The following CSMD3 variants were observed in gnomAD, a reference collection of about 807,000 sequenced individuals.
The protein encoded by CSMD3 is CUB and sushi domain-containing protein 3.
A neutral mutation model predicts 435.2 loss-of-function variants in CSMD3; 177 were observed. The ratio of observed to expected loss-of-function variants is 0.41; its 90% CI spans 0.36 to 0.46. The LOEUF is 0.46. CSMD3 is among the 20% of genes least tolerant of loss of function. The pLI, the probability that CSMD3 is intolerant of heterozygous loss-of-function variation, is 0.34. For synonymous variants in CSMD3, 1,656 were observed against 1,520.5 expected (o/e 1.09, Z -2.07); for missense variants, 4,265 against 4,504.6 (o/e 0.95, Z 1.52).
intron 2 of CSMD3, chr8:113,313,758 A>G (rs1368464603): frequency 6.6e-6 from 1 of 152,196 alleles, no homozygotes; most frequent in Non-Finnish European, 1.5e-5. Flanking sequence ...TTTAAATTAC[A>G]AGTTTAAAAA....
chr8:112,384,301 TAG>T (rs1829746662), intron 36 of CSMD3, among the ~76,000 whole-genome samples: 2 of 152,206 alleles, frequency 1.3e-5, no homozygotes, highest in Non-Finnish European at 2.9e-5. Flanking sequence ...TTTTAATGAA[TAG>T]AGTTATAGTA....
chr8:113,357,156 AAAT>A (rs1206689054), intron 1 of CSMD3, among the ~76,000 whole-genome samples: 7 of 152,216 alleles, frequency 4.6e-5, no homozygotes, highest in Admixed American at 4.6e-4. Flanking sequence ...AGCAGTTGTT[AAAT>A]AATGTCACTT....
intron 32 of CSMD3, among the ~76,000 whole-genome samples, chr8:112,411,485 C>T (rs1811345203): frequency 6.6e-6 from 1 of 151,788 alleles, no homozygotes; most frequent in Non-Finnish European, 1.5e-5. Context: ...TTAAAAGTAG[C>T]TTTCACCAGA....
At chr8:113,337,212 A>G (rs1264108731) in intron 1 of CSMD3, among the ~76,000 whole-genome samples, 1 of 152,100 alleles carries the variant, frequency 6.6e-6, no homozygotes. Context: ...TTAGATGTCA[A>G]GTTCACTAGT....
intron 31 of CSMD3, among the ~76,000 whole-genome samples, chr8:112,485,366 A>C (rs758688089): frequency 2.6e-5 from 4 of 152,134 alleles, no homozygotes; most frequent in Non-Finnish European, 5.9e-5. Flanking sequence ...ATAATTTACC[A>C]CTAAGCATTT....
intron 35 of CSMD3, among the ~76,000 whole-genome samples, chr8:112,393,997 T>C (rs1051225522): frequency 3.3e-5 from 5 of 152,080 alleles, no homozygotes; most frequent in African/African-American, 1.2e-4. Flanking sequence ...CTACCAGATG[T>C]TTATCTCTAG....
At chr8:112,982,247 C>T (rs1252737777) in intron 6 of CSMD3, among the ~76,000 whole-genome samples, 1 of 151,854 alleles carries the variant, frequency 6.6e-6, no homozygotes, top group East Asian at 1.9e-4. Flanking sequence ...ATAAATTTCA[C>T]ACAATACAAA....
intron 22 of CSMD3, among the ~76,000 whole-genome samples, chr8:112,619,534 T>G (rs143492490): frequency 0.021 from 3,139 of 152,136 alleles, 114 homozygotes; most frequent in African/African-American, 0.071. Context: ...TGCTTCCTAC[T>G]TCACAGAGAA....
At chr8:113,330,003 G>A (rs2094015065) in intron 1 of CSMD3, among the ~76,000 whole-genome samples, 1 of 152,002 alleles carries the variant, frequency 6.6e-6, no homozygotes, top group African/African-American at 2.4e-5. Context: ...CATAAATAAA[G>A]AGTACCAGTA....
chr8:113,196,885 T>C (rs912784162), intron 3 of CSMD3, among the ~76,000 whole-genome samples: 2 of 151,236 alleles, frequency 1.3e-5, no homozygotes, highest in Non-Finnish European at 3.0e-5. Context: ...TTCTTAAAAC[T>C]TGTAGTAAAG....
In CSMD3 at chr8:112,492,631, T is replaced by C. The variant is rs1312784265; in HGVS notation, c.5136A>G (p.Arg1712=). Residue 1712 remains arginine, a synonymous_variant, in exon 31 of 71, where the codon AGA becomes AGG. Transcript: ENST00000297405. Reference sequence around the variant, plus strand: ...ACCCTAATTTATAATCCATTCCAAGTCTGGTGCCATTCATTATATTGCCTG... The same window carrying C: ...ACCCTAATTTATAATCCATTCCAAGCCTGGTGCCATTCATTATATTGCCTG... ...FDPGNIMNGT[R]LGMDYKLGST... is the part of the protein sequence containing the mutation. 1 of 1,613,892 alleles carries C rather than the reference T, an allele frequency of 6.2e-7. No individual in the cohort carries two copies. Among genetic ancestry groups the C allele is most frequent in the South Asian group, 1.1e-5 (1 of 91,086 alleles).
chr8:112,626,814 A>G (rs1834512422), intron 22 of CSMD3, among the ~76,000 whole-genome samples: 1 of 152,168 alleles, frequency 6.6e-6, no homozygotes, highest in Non-Finnish European at 1.5e-5. Context: ...CAGTTTGGGG[A>G]TACATACAGA....
chr8:113,097,873 C>A (rs950875376), intron 5 of CSMD3, among the ~76,000 whole-genome samples: 17 of 151,928 alleles, frequency 1.1e-4, no homozygotes, highest in Non-Finnish European at 1.9e-4. Context: ...CAGTCCATTA[C>A]AAAGTCCTTT....
At position 112,964,888 on chromosome 8, in the gene CSMD3, A is replaced by AC. The variant is rs1180684390; in HGVS notation, c.1343-10128dup. Among the ~76,000 whole-genome samples the AC allele has an allele frequency of 5.3e-5, 8 of 152,110 alleles. No homozygotes were observed. In the South Asian group the frequency reaches 1.2e-3, roughly 24 times the overall value. On this transcript the variant is annotated intron_variant, in intron 7 of 70. Transcript: ENST00000297405. ...AAGAGAAAAATATCCTACGCAATGC[A>AC]CCCTAAACCTAACACCACGCTGTTC... is the stretch of plus-strand genomic sequence containing the variant.
intron 5 of CSMD3, among the ~76,000 whole-genome samples, chr8:113,052,309 G>T (rs2088131939): frequency 6.6e-6 from 1 of 152,128 alleles, no homozygotes; most frequent in African/African-American, 2.4e-5. Flanking sequence ...GTATGTAAAT[G>T]AGATTTTCCT....
chr8:112,963,602 CT>C (rs1316165931), intron 7 of CSMD3, among the ~76,000 whole-genome samples: 1 of 151,892 alleles, frequency 6.6e-6, no homozygotes, highest in Non-Finnish European at 1.5e-5. Context: ...CGCAACTGTG[CT>C]GTTTTCTAGC....
chr8:112,566,674 A>G (rs1829087901), intron 24 of CSMD3, among the ~76,000 whole-genome samples: 1 of 150,756 alleles, frequency 6.6e-6, no homozygotes, highest in South Asian at 2.1e-4. Flanking sequence ...CAGTTGTGCC[A>G]ATAGAAAAAG....
intron 4 of CSMD3, among the ~76,000 whole-genome samples, chr8:113,139,588 A>G (rs1043925262): frequency 6.6e-6 from 1 of 151,240 alleles, no homozygotes; most frequent in Non-Finnish European, 1.5e-5. Flanking sequence ...TGTAAGAAAT[A>G]CACTAAAAAT....
intron 13 of CSMD3, among the ~76,000 whole-genome samples, chr8:112,724,387 G>A (rs2076922908): frequency 6.6e-6 from 1 of 151,958 alleles, no homozygotes; most frequent in South Asian, 2.1e-4. Flanking sequence ...TGGTGATAAA[G>A]GATTGAATTC....
Sources: allele counts gnomAD v4.1 joint callset (sites outside exome capture counted in the v4.1 genomes callset), GRCh38; gene constraint gnomAD v4.1.1; transcripts MANE v1.5; gene names NCBI Gene and HGNC (gene_info 2026-07-23, HGNC 2026-07-21).